STOX2: variants seen among roughly 807,000 people sequenced by gnomAD.
STOX2 encodes the protein storkhead box 2, also known as storkhead-box protein 2.
STOX2 carries 28 observed loss-of-function variants against 60.9 expected under a neutral mutation model. The observed-to-expected ratio is 0.46, with a 90% CI of 0.34 to 0.63. The LOEUF (loss-of-function observed/expected upper bound fraction) is 0.63, where lower values mean the gene tolerates loss of function less well. Ranked by LOEUF, STOX2 falls within the 30% of genes least tolerant of loss-of-function variation. STOX2 has a pLI of 0.01. For missense variants in STOX2, 1,024 were observed against 1,187.7 expected (o/e 0.86, Z 2.03); for synonymous variants, 472 against 463.9 (o/e 1.02, Z -0.22).
chr4:183,812,836 A>G (rs1739065061), intron 1 of STOX2, among the ~76,000 whole-genome samples: 1 of 152,194 alleles, frequency 6.6e-6, no homozygotes, highest in Admixed American at 6.5e-5. Context: ...CACTGCTAAC[A>G]TATTTAATTT....
At chr4:183,804,145 T>G (rs1461149316) in intron 1 of STOX2, among the ~76,000 whole-genome samples, 1 of 152,184 alleles carries the variant, frequency 6.6e-6, no homozygotes, top group Non-Finnish European at 1.5e-5. Context: ...AATCTAATCT[T>G]TAAGACACCT....
At chr4:183,843,422 G>A (rs1739915833) in intron 1 of STOX2, among the ~76,000 whole-genome samples, 1 of 152,192 alleles carries the variant, frequency 6.6e-6, no homozygotes, top group Non-Finnish European at 1.5e-5. Context: ...GACTTGTTCA[G>A]CCACAAATGT....
chr4:183,801,381 T>A (rs932281084), intron 1 of STOX2, among the ~76,000 whole-genome samples: 1 of 152,222 alleles, frequency 6.6e-6, no homozygotes, highest in East Asian at 1.9e-4. Context: ...TCACAGTAAA[T>A]TAAAGCCCAT....
upstream of STOX2, among the ~76,000 whole-genome samples, chr4:183,904,585 A>G (rs572720291): frequency 1.5e-4 from 23 of 152,214 alleles, no homozygotes; most frequent in Non-Finnish European, 2.9e-4. Context: ...ACAGTAATAC[A>G]TTTTGATTAT....
chr4:183,863,089 TTG>T (rs1254229419), intron 1 of STOX2, among the ~76,000 whole-genome samples: 1 of 152,204 alleles, frequency 6.6e-6, no homozygotes, highest in East Asian at 1.9e-4. Flanking sequence ...GCAGGTAGCC[TTG>T]TGTCTCCCAC....
chr4:183,814,640 C>T (rs953877174), intron 1 of STOX2, among the ~76,000 whole-genome samples: 1 of 152,208 alleles, frequency 6.6e-6, no homozygotes, highest in Non-Finnish European at 1.5e-5. Context: ...CAAATACATG[C>T]CCCGTGGCCC....
At chr4:183,850,511 T>G (rs1740092690) in intron 1 of STOX2, among the ~76,000 whole-genome samples, 1 of 151,894 alleles carries the variant, frequency 6.6e-6, no homozygotes. Flanking sequence ...GGTGGATCAC[T>G]TGAGGTCAGG....
chr4:183,843,683 G>A (rs2111133734), intron 1 of STOX2, among the ~76,000 whole-genome samples: 2 of 152,244 alleles, frequency 1.3e-5, no homozygotes, highest in East Asian at 3.9e-4. Context: ...CACATATGAT[G>A]AAATATTGTT....
intron 1 of STOX2, among the ~76,000 whole-genome samples, chr4:183,818,039 A>G (rs1739191811): frequency 6.6e-6 from 1 of 151,968 alleles, no homozygotes; most frequent in Non-Finnish European, 1.5e-5. Flanking sequence ...ACAAGAAAAA[A>G]TATGTATGTT....
At chr4:183,832,488 T>C (rs1441494012) in intron 1 of STOX2, among the ~76,000 whole-genome samples, 67 of 6,288 alleles carry the variant, frequency 0.011, no homozygotes, top group Non-Finnish European at 0.019. Context: ...AACCGACTCT[T>C]TTTTTTTTTT....
intron 1 of STOX2, among the ~76,000 whole-genome samples, chr4:183,893,209 G>A (rs1741266405): frequency 6.6e-6 from 1 of 151,846 alleles, no homozygotes; most frequent in African/African-American, 2.4e-5. Flanking sequence ...CCATTTCTAG[G>A]ATATTTTCCG....
chr4:183,942,484 T>G (rs933477720), intron 1 of STOX2, among the ~76,000 whole-genome samples: 2 of 152,134 alleles, frequency 1.3e-5, no homozygotes, highest in Admixed American at 6.5e-5. Context: ...AAGAGGCTTC[T>G]GATTCTCCTG....
intron 1 of STOX2, among the ~76,000 whole-genome samples, chr4:183,831,889 T>C (rs1183533629): frequency 6.6e-6 from 1 of 152,180 alleles, no homozygotes; most frequent in East Asian, 1.9e-4. Flanking sequence ...GGGACAGCTC[T>C]GCCCAATTTT....
At position 183,870,383 on chromosome 4, in the gene STOX2, T is replaced by G. The variant is rs115493234; in HGVS notation, c.364+72328T>G. On this transcript the variant is annotated intron_variant, in intron 1 of 2. Transcript: ENST00000513034. ...TCTTTCTAGGTCGTCAAATACAGTT[T>G]AGATGACTATGGTTTTTAGCTATTT... is the stretch of plus-strand genomic sequence containing the variant. Among the ~76,000 whole-genome samples the G allele has an allele frequency of 6.9e-3, 1,057 of 152,356 alleles. 9 individuals carry two copies. Among genetic ancestry groups the G allele is most frequent in the African/African-American group, 0.024 (1,010 of 41,578 alleles).
At position 183,893,759 on chromosome 4, in the gene STOX2, A is replaced by G. The variant is rs572475364; in HGVS notation, c.364+95704A>G. 7.9e-5 allele frequency among the ~76,000 whole-genome samples: 12 copies of G among 152,252 alleles called. 1 individual carries two copies. The East Asian group carries it at 2.1e-3, about 27-fold the overall frequency. ...GTTCCTCTTATAAAGCAAAACTGTA[A>G]CTTAAAAAAAAACAAAAAACTAGCC... is the stretch of plus-strand genomic sequence containing the variant. On this transcript the variant is annotated intron_variant, in intron 1 of 2. Transcript: ENST00000513034.
chr4:183,908,776 C>T (rs889501530), intron 1 of STOX2, among the ~76,000 whole-genome samples: 2 of 152,042 alleles, frequency 1.3e-5, no homozygotes, highest in Admixed American at 1.3e-4. Context: ...TAAGATGGTC[C>T]TATGGTGATA....
chr4:183,804,185 T>C, intron 1 of STOX2, among the ~76,000 whole-genome samples: 1 of 152,196 alleles, frequency 6.6e-6, no homozygotes, highest in Non-Finnish European at 1.5e-5. Flanking sequence ...ATTTTATCCA[T>C]ATACAAATAA....
intron 1 of STOX2, among the ~76,000 whole-genome samples, chr4:183,868,032 C>T (rs1478639804): frequency 6.6e-6 from 1 of 151,902 alleles, no homozygotes; most frequent in Non-Finnish European, 1.5e-5. Flanking sequence ...GCCTCTCGAA[C>T]ATTAGAGTGT....
rs991384239 is a variant in STOX2 at position 184,012,286 on chromosome 4, A to G, written c.2585+863A>G. Among the ~76,000 whole-genome samples, 5 of 152,170 alleles carry G rather than the reference A, an allele frequency of 3.3e-5. No homozygotes were observed. The East Asian group carries it at 9.6e-4, about 29-fold the overall frequency. The stretch of plus-strand genomic sequence containing the variant: ...CTCCTCAAAGAGCAACATGGGACCT[A>G]ATTCTCTTTCTAACTTCTACTCCAG... On this transcript the variant is annotated intron_variant, in intron 3 of 3. Transcript: ENST00000308497.
Sources: allele counts gnomAD v4.1 joint callset (sites outside exome capture counted in the v4.1 genomes callset), GRCh38; gene constraint gnomAD v4.1.1; transcripts MANE v1.5; gene names NCBI Gene and HGNC (gene_info 2026-07-23, HGNC 2026-07-21).